Variants in NELL1 observed in about 807,000 individuals in gnomAD.
NELL1 encodes the protein neural EGFL like 1.
In NELL1, 76 loss-of-function variants were observed where a neutral mutation model predicts 107.4. That is an observed-to-expected ratio of 0.71 (90% confidence interval 0.59 to 0.86). NELL1 has a LOEUF of 0.86. Ranked by LOEUF, NELL1 falls within the 40% of genes least tolerant of loss-of-function variation. The pLI is 0.00. For missense variants in NELL1, 1,024 were observed against 1,005.5 expected, an observed-to-expected ratio of 1.02 and a Z score of -0.25; for synonymous variants, 353 against 341.2, an observed-to-expected ratio of 1.03 and a Z score of -0.38.
intron 12 of NELL1, among the ~76,000 whole-genome samples, chr11:20,983,774 C>T (rs970433598): frequency 2.4e-4 from 36 of 148,088 alleles, no homozygotes; most frequent in African/African-American, 9.2e-4. Context: ...ATGTTGTACA[C>T]AGAGTAATCT....
intron 15 of NELL1, among the ~76,000 whole-genome samples, chr11:21,462,806 G>A (rs1276272808): frequency 6.6e-6 from 1 of 151,976 alleles, no homozygotes; most frequent in African/African-American, 2.4e-5. Flanking sequence ...TATTTCCTGA[G>A]TCCAAAACTT....
chr11:21,346,619 C>T (rs2133712243), intron 14 of NELL1, among the ~76,000 whole-genome samples: 1 of 145,760 alleles, frequency 6.9e-6, no homozygotes, highest in African/African-American at 2.5e-5. Context: ...GATATATATG[C>T]TGTATCAAAT....
At chr11:20,935,498 C>T (rs761627744) in intron 9 of NELL1, among the ~76,000 whole-genome samples, 15 of 152,058 alleles carry the variant, frequency 9.9e-5, no homozygotes, top group Admixed American at 2.0e-4. Flanking sequence ...AATGAAATCA[C>T]GGGAAATGGT....
At chr11:21,220,948 G>T (rs1857741574) in intron 13 of NELL1, among the ~76,000 whole-genome samples, 1 of 152,062 alleles carries the variant, frequency 6.6e-6, no homozygotes, top group African/African-American at 2.4e-5. Context: ...TCTTGTTCTA[G>T]TTCTTAGGGA....
Position 21,570,801 on chromosome 11 carries a change from G to T in NELL1, c.2018G>T (p.Cys673Phe). 6.2e-7 allele frequency: 1 copy of T among 1,611,710 alleles called. No homozygotes were observed. The highest frequency in any genetic ancestry group is 8.5e-7 in the Non-Finnish European group (1 of 1,178,594). ...TTCTGCCGACGGACAGCTTGTGATT[G>T]CCAGAATCCAAGTGCTGACCTATTC... is the stretch of plus-strand genomic sequence containing the variant. ...KIFCRRTACDCQNPSADLFCC... is the reference protein window; with the variant it reads ...KIFCRRTACDFQNPSADLFCC... Residue 673 changes from cysteine (C) to phenylalanine (F), a missense_variant, in exon 18 of 20, where the codon TGC becomes TTC. Coordinates refer to ENST00000357134, the MANE Select transcript of NELL1 (RefSeq NM_006157.5).
At chr11:21,237,483 A>G (rs1858239468) in intron 14 of NELL1, among the ~76,000 whole-genome samples, 1 of 152,030 alleles carries the variant, frequency 6.6e-6, no homozygotes, top group South Asian at 2.1e-4. Context: ...TTAGTTTTAT[A>G]ATTCGATCTT....
rs1469856000 is a variant in NELL1 at position 21,091,114 on chromosome 11, C to A, written c.1301-22475C>A. Among the ~76,000 whole-genome samples, 5 of 152,176 alleles carry A rather than the reference C, an allele frequency of 3.3e-5. No individual in the cohort carries two copies. The East Asian group carries it at 9.6e-4, about 29-fold the overall frequency. On this transcript the variant is annotated intron_variant, in intron 12 of 19. Transcript: ENST00000357134. ...TATATGACATAGATTTTGCCTCAGG[C>A]AACATCAGGAGGTCCATTTCTGGCT... is the stretch of plus-strand genomic sequence containing the variant.
chr11:21,570,280 G>C (rs1014287109), intron 17 of NELL1, among the ~76,000 whole-genome samples: 1 of 151,818 alleles, frequency 6.6e-6, no homozygotes, highest in African/African-American at 2.4e-5. Flanking sequence ...TCTTGGATAA[G>C]TGGTTTAGCC....
intron 14 of NELL1, among the ~76,000 whole-genome samples, chr11:21,354,759 C>T (rs895636347): frequency 6.6e-6 from 1 of 152,158 alleles, no homozygotes; most frequent in Non-Finnish European, 1.5e-5. Flanking sequence ...AGGTTGGATT[C>T]GTATTTCTTT....
chr11:21,480,606 G>A (rs1854467899), intron 15 of NELL1, among the ~76,000 whole-genome samples: 1 of 152,148 alleles, frequency 6.6e-6, no homozygotes, highest in Non-Finnish European at 1.5e-5. Context: ...GACCTCTTTG[G>A]CTAGTGAAAA....
intron 14 of NELL1, among the ~76,000 whole-genome samples, chr11:21,366,974 A>G (rs779724105): frequency 7.2e-5 from 11 of 152,082 alleles, no homozygotes; most frequent in Non-Finnish European, 1.3e-4. Flanking sequence ...CTGGACATCC[A>G]CAAACCTGGC....
chr11:21,020,182 T>G (rs756358362), intron 12 of NELL1, among the ~76,000 whole-genome samples: 1 of 152,144 alleles, frequency 6.6e-6, no homozygotes, highest in Non-Finnish European at 1.5e-5. Context: ...TACTTGGCAC[T>G]TAGTAAGTGC....
chr11:21,074,787 G>C (rs75317816), intron 12 of NELL1, among the ~76,000 whole-genome samples: 20 of 152,014 alleles, frequency 1.3e-4, no homozygotes, highest in African/African-American at 4.8e-4. Context: ...GTGCAGTCAA[G>C]CCTGAGAACC....
chr11:20,694,247 G>A (rs529383939), intron 2 of NELL1, among the ~76,000 whole-genome samples: 46 of 152,018 alleles, frequency 3.0e-4, no homozygotes, highest in Middle Eastern at 3.4e-3. Context: ...CCTGTAGCTC[G>A]GAGTAGTTTG....
At chr11:21,271,436 G>A (rs1355098977) in intron 14 of NELL1, among the ~76,000 whole-genome samples, 1 of 152,168 alleles carries the variant, frequency 6.6e-6, no homozygotes, top group African/African-American at 2.4e-5. Context: ...AGAAGACATA[G>A]ATTATCTGAA....
intron 2 of NELL1, among the ~76,000 whole-genome samples, chr11:20,745,243 C>G (rs992854143): frequency 6.6e-6 from 1 of 152,150 alleles, no homozygotes; most frequent in Admixed American, 6.6e-5. Flanking sequence ...GTCCAGCCAT[C>G]TAATTTTTAT....
chr11:21,472,351 C>G (rs1298464685), intron 15 of NELL1, among the ~76,000 whole-genome samples: 2 of 151,934 alleles, frequency 1.3e-5, no homozygotes, highest in Non-Finnish European at 2.9e-5. Flanking sequence ...TGCTTGCTTT[C>G]TCTTAACCTG....
At chr11:20,858,615 C>T (rs1227237028) in intron 4 of NELL1, among the ~76,000 whole-genome samples, 1 of 152,204 alleles carries the variant, frequency 6.6e-6, no homozygotes, top group Non-Finnish European at 1.5e-5. Context: ...CAATGATGAT[C>T]TGTTGTTGCC....
intron 12 of NELL1, among the ~76,000 whole-genome samples, chr11:20,992,014 T>TAAAAAA (rs1851987304): frequency 7.5e-6 from 1 of 132,882 alleles, no homozygotes; most frequent in Non-Finnish European, 1.6e-5. Context: ...AAAAAAAAGT[T>TAAAAAA]GAAAATATTT....
Sources: allele counts gnomAD v4.1 joint callset (sites outside exome capture counted in the v4.1 genomes callset), GRCh38; gene constraint gnomAD v4.1.1; transcripts MANE v1.5; gene names NCBI Gene and HGNC (gene_info 2026-07-23, HGNC 2026-07-21).